The following SNAP29 variants were observed in gnomAD, a reference collection of about 807,000 sequenced individuals.
SNAP29 encodes the protein synaptosomal-associated protein 29.
SNAP29 carries 13 observed loss-of-function variants against 27.9 expected under a neutral mutation model. The observed-to-expected ratio is 0.47, with a 90% CI of 0.30 to 0.74. The LOEUF (loss-of-function observed/expected upper bound fraction) is 0.74. Ranked by LOEUF, SNAP29 falls within the 30% of genes least tolerant of loss-of-function variation. The probability of loss-of-function intolerance (pLI) is 0.06; values close to 1 mark genes in which losing one functional copy is unlikely to be tolerated. For synonymous variants in SNAP29, 119 were observed against 127.1 expected, an observed-to-expected ratio of 0.94 and a Z score of 0.43; for missense variants, 368 against 336.5, an observed-to-expected ratio of 1.09 and a Z score of -0.73.
At chr22:20,870,590 A>G in intron 2 of SNAP29, 57 bp downstream of exon 2, 2 of 1,515,536 alleles carry the variant, frequency 1.3e-6, no homozygotes, top group Non-Finnish European at 1.8e-6. Context: ...ATTAGTGCAA[A>G]TGACCAAGAC....
chr22:20,864,028 T>C (rs1224514606), intron 1 of SNAP29, among the ~76,000 whole-genome samples: 1 of 152,180 alleles, frequency 6.6e-6, no homozygotes, highest in African/African-American at 2.4e-5. Flanking sequence ...GCATTGAGGT[T>C]GTTTACACCT....
intron 1 of SNAP29, among the ~76,000 whole-genome samples, chr22:20,868,687 G>A (rs957779276): frequency 6.6e-6 from 1 of 152,228 alleles, no homozygotes; most frequent in African/African-American, 2.4e-5. Context: ...GAGGAAGGCA[G>A]CTGAGGGCAG....
chr22:20,872,438 T>C (rs891546879), intron 2 of SNAP29, among the ~76,000 whole-genome samples: 1 of 151,660 alleles, frequency 6.6e-6, no homozygotes, highest in Admixed American at 6.6e-5. Flanking sequence ...TCTCACTCTG[T>C]CACCCAGGCT....
chr22:20,879,055 C>G (rs1355952472), intron 2 of SNAP29, among the ~76,000 whole-genome samples: 3 of 152,166 alleles, frequency 2.0e-5, no homozygotes, highest in Non-Finnish European at 4.4e-5. Context: ...CGCCTGTAAT[C>G]CCAGCACTTT....
chr22:20,874,324 ACACACACACACACAC>A (rs1928679209), intron 2 of SNAP29, among the ~76,000 whole-genome samples: 1 of 145,802 alleles, frequency 6.9e-6, no homozygotes, highest in Non-Finnish European at 1.5e-5. Context: ...ACAGACACAC[ACACACACACACACAC>A]GAAAATTAGC....
At chr22:20,867,449 G>A (rs1251348045) in intron 1 of SNAP29, among the ~76,000 whole-genome samples, 1 of 152,118 alleles carries the variant, frequency 6.6e-6, no homozygotes, top group Non-Finnish European at 1.5e-5. Flanking sequence ...TCTCTTTCCT[G>A]GTATTTTGGT....
chr22:20,874,299 C>T (rs897517450), intron 2 of SNAP29, among the ~76,000 whole-genome samples: 3 of 134,584 alleles, frequency 2.2e-5, no homozygotes, highest in African/African-American at 9.1e-5. Context: ...AAGACTCTGA[C>T]ACACACAGAC....
chr22:20,870,603 T>G, intron 2 of SNAP29, 70 bp downstream of exon 2: 1 of 1,354,830 alleles, frequency 7.4e-7, no homozygotes, highest in Non-Finnish European at 1.0e-6. Flanking sequence ...ACCAAGACTT[T>G]CAGTCCACGT....
intron 3 of SNAP29, among the ~76,000 whole-genome samples, chr22:20,882,327 G>A (rs1168019908): frequency 2.0e-5 from 3 of 151,406 alleles, no homozygotes; most frequent in African/African-American, 4.9e-5. Context: ...AGTGTTGATC[G>A]AATCATTCCA....
chr22:20,881,314 G>A (rs1569120121), intron 3 of SNAP29, among the ~76,000 whole-genome samples, 180 bp downstream of exon 3: 2 of 152,174 alleles, frequency 1.3e-5, no homozygotes, highest in South Asian at 2.1e-4. Flanking sequence ...TGCGGAGCTG[G>A]GGGTGTGCAT....
At chr22:20,866,676 G>A (rs1219015595) in intron 1 of SNAP29, among the ~76,000 whole-genome samples, 1 of 152,052 alleles carries the variant, frequency 6.6e-6, no homozygotes, top group Non-Finnish European at 1.5e-5. Context: ...GGGTAGCCCC[G>A]CTCACTCCCC....
chr22:20,881,782 A>C (rs1356315489), intron 3 of SNAP29, among the ~76,000 whole-genome samples: 1 of 152,188 alleles, frequency 6.6e-6, no homozygotes, highest in African/African-American at 2.4e-5. Context: ...TAAAAAGCCA[A>C]CTGCAGAAAA....
intron 4 of SNAP29, among the ~76,000 whole-genome samples, chr22:20,883,798 C>T (rs1019481294): frequency 1.3e-5 from 2 of 152,132 alleles, no homozygotes; most frequent in African/African-American, 4.8e-5. Flanking sequence ...CTTTCATGAA[C>T]AGCACCAGGG....
chr22:20,876,362 A>C (rs1569118651), intron 2 of SNAP29, among the ~76,000 whole-genome samples: 2 of 147,532 alleles, frequency 1.4e-5, no homozygotes, highest in African/African-American at 5.0e-5. Context: ...GGATCCAGCA[A>C]CCCTCCCACC....
intron 2 of SNAP29, among the ~76,000 whole-genome samples, chr22:20,876,480 C>A (rs903725670): frequency 2.0e-5 from 3 of 151,740 alleles, no homozygotes; most frequent in Admixed American, 2.0e-4. Flanking sequence ...CTGATCTCAA[C>A]CACCTGGGCT....
At chr22:20,878,119 A>C (rs1928791847) in intron 2 of SNAP29, among the ~76,000 whole-genome samples, 1 of 152,214 alleles carries the variant, frequency 6.6e-6, no homozygotes, top group Non-Finnish European at 1.5e-5. Flanking sequence ...GGGAGTCATT[A>C]AAGACTTTAA....
intron 4 of SNAP29, among the ~76,000 whole-genome samples, chr22:20,885,090 G>T (rs1928981967): frequency 6.6e-6 from 1 of 152,086 alleles, no homozygotes; most frequent in Non-Finnish European, 1.5e-5. Context: ...ATTATTTTTT[G>T]AATGGAAAAG....
intron 2 of SNAP29, among the ~76,000 whole-genome samples, chr22:20,872,583 G>A (rs555089368): frequency 5.3e-5 from 8 of 152,186 alleles, no homozygotes. Flanking sequence ...TGTATTTTTA[G>A]TAGAGACGGG....
chr22:20,886,919 A>G lies in SNAP29; in HGVS notation c.620-760A>G, dbSNP rs114449436. ...TGAGCCATTGTACCCGGCCAAAACT[A>G]CCTTTTTAAAAAAACTGATTTTGGC... On this transcript the variant is annotated intron_variant, in intron 4 of 4. Coordinates refer to ENST00000215730, the MANE Select transcript of SNAP29 (RefSeq NM_004782.4). Among the ~76,000 whole-genome samples the G allele has an allele frequency of 9.2e-3, 1,402 of 152,028 alleles. 17 individuals are homozygous for G. The highest frequency in any genetic ancestry group is 0.033 in the African/African-American group (1,358 of 41,506).
Sources: allele counts gnomAD v4.1 joint callset (sites outside exome capture counted in the v4.1 genomes callset), GRCh38; gene constraint gnomAD v4.1.1; transcripts MANE v1.5; gene names NCBI Gene and HGNC (gene_info 2026-07-23, HGNC 2026-07-21).